The following CNBD2 variants were observed in gnomAD, a reference collection of about 807,000 sequenced individuals.
The protein encoded by CNBD2 is cyclic nucleotide-binding domain-containing protein 2.
A neutral mutation model predicts 63.7 loss-of-function variants in CNBD2; 64 were observed. That is an observed-to-expected ratio of 1.00 (90% CI 0.82 to 1.24). The LOEUF (loss-of-function observed/expected upper bound fraction) is 1.24. Among genes scored for constraint, CNBD2 ranks in the 50% most tolerant of loss-of-function variants. CNBD2 has a pLI of 0.00. For synonymous variants in CNBD2, 229 were observed against 255.4 expected (o/e 0.90, Z 0.99); for missense variants, 691 against 713.5 (o/e 0.97, Z 0.36).
chr20:36,010,099 T>C (rs1281453819), intron 9 of CNBD2, among the ~76,000 whole-genome samples: 1 of 152,138 alleles, frequency 6.6e-6, no homozygotes, highest in African/African-American at 2.4e-5. Context: ...GCTTTTGTTT[T>C]TTCTGGAGAG....
chr20:35,995,084 C>T lies in CNBD2; in HGVS notation c.902C>T (p.Ser301Phe). 6.2e-7 allele frequency: 1 copy of T among 1,614,142 alleles called. No homozygotes were observed. The highest frequency in any genetic ancestry group is 8.5e-7 in the Non-Finnish European group (1 of 1,179,996). ...LRLLDLGASP[S>F]YRRWIWQHLE... ...CTGTTGGACCTTGGGGCCTCCCCTT[C>T]CTACCGTAGATGGATCTGGCAGCAC... Residue 301 changes from serine to phenylalanine, a missense_variant, in exon 8 of 12, where the codon TCC becomes TTC. Ser to Phe is a radical substitution (Grantham distance 155). Coordinates refer to ENST00000373973, the MANE Select transcript of CNBD2 (RefSeq NM_001365709.1).
intron 8 of CNBD2, among the ~76,000 whole-genome samples, chr20:35,996,600 C>A (rs562241680): frequency 6.6e-6 from 1 of 151,796 alleles, no homozygotes; most frequent in African/African-American, 2.4e-5. Flanking sequence ...CTCTGCCTCC[C>A]AGGTTCAGGC....
intron 8 of CNBD2, among the ~76,000 whole-genome samples, chr20:35,999,667 A>G (rs1019193318): frequency 7.9e-5 from 12 of 151,280 alleles, no homozygotes; most frequent in African/African-American, 2.9e-4. Context: ...TTTTGCTTTA[A>G]ACAAGTATCT....
At chr20:35,963,076 G>C (rs2056320250) in intron 2 of CNBD2, among the ~76,000 whole-genome samples, 1 of 152,114 alleles carries the variant, frequency 6.6e-6, no homozygotes, top group African/African-American at 2.4e-5. Context: ...GGGCGTGGTG[G>C]CTCACATCTC....
Position 36,009,640 on chromosome 20 carries a change from T to C in CNBD2, c.1148+1166T>C, listed in dbSNP as rs1057213836. On this transcript the variant is annotated intron_variant, in intron 9 of 11. Coordinates refer to ENST00000373973, the MANE Select transcript of CNBD2 (RefSeq NM_001365709.1). ...TGAGGTCAGGAGTTCGTGACCAGCC[T>C]GGCCAACATGGTGAAACCCCGTCTC... Among the ~76,000 whole-genome samples the C allele has an allele frequency of 4.6e-5, 7 of 152,056 alleles. 1 individual carries two copies. Among genetic ancestry groups the C allele is most frequent in the African/African-American group, 1.4e-4 (6 of 41,440 alleles).
intron 7 of CNBD2, among the ~76,000 whole-genome samples, chr20:35,993,965 C>T (rs1442885717): frequency 6.6e-6 from 1 of 150,808 alleles, no homozygotes; most frequent in Non-Finnish European, 1.5e-5. Flanking sequence ...ACCTCCGCCT[C>T]CTGGGTTCAA....
chr20:36,014,712 G>A (rs1052805320), intron 10 of CNBD2, among the ~76,000 whole-genome samples: 1 of 152,018 alleles, frequency 6.6e-6, no homozygotes, highest in Non-Finnish European at 1.5e-5. Flanking sequence ...GGTCACTGCA[G>A]CCTTGAACTC....
intron 3 of CNBD2, among the ~76,000 whole-genome samples, chr20:35,978,493 T>C (rs555302935): frequency 2.3e-3 from 345 of 152,178 alleles, no homozygotes; most frequent in Non-Finnish European, 3.9e-3. Context: ...TAAAGGCGCC[T>C]GCCACCACGC....
chr20:35,954,734 T>A, exon 1 of CNBD2: 1 of 831,838 alleles, frequency 1.2e-6, no homozygotes. Flanking sequence ...ACCTTATCCG[T>A]GCGCCGCTTC....
At chr20:35,990,139 G>A (rs2056725490) in intron 7 of CNBD2, among the ~76,000 whole-genome samples, 1 of 152,136 alleles carries the variant, frequency 6.6e-6, no homozygotes, top group Non-Finnish European at 1.5e-5. Context: ...CATGTTGGTA[G>A]CTTACAATTA....
chr20:35,994,584 A>G (rs998858170), intron 7 of CNBD2, among the ~76,000 whole-genome samples: 3 of 150,850 alleles, frequency 2.0e-5, no homozygotes, highest in Non-Finnish European at 4.4e-5. Context: ...TTAAAAAAAA[A>G]AAAAGAAAAA....
chr20:35,988,736 T>C (rs2056702942), intron 7 of CNBD2, among the ~76,000 whole-genome samples: 1 of 152,100 alleles, frequency 6.6e-6, no homozygotes, highest in African/African-American at 2.4e-5. Flanking sequence ...CTGCAACAAA[T>C]TGCATTCCAA....
At chr20:36,023,220 C>G (rs1869981817) in intron 10 of CNBD2, among the ~76,000 whole-genome samples, 1 of 152,118 alleles carries the variant, frequency 6.6e-6, no homozygotes, top group Admixed American at 6.5e-5. Context: ...CCTTCTTTTT[C>G]CCATCTAGAA....
chr20:36,008,061 A>G (rs2057007781), intron 8 of CNBD2, among the ~76,000 whole-genome samples: 1 of 152,088 alleles, frequency 6.6e-6, no homozygotes, highest in South Asian at 2.1e-4. Flanking sequence ...TTATCTCTTA[A>G]AGTGTGTTAA....
chr20:35,993,799 A>T (rs1028038710), intron 7 of CNBD2, among the ~76,000 whole-genome samples: 3 of 152,056 alleles, frequency 2.0e-5, no homozygotes, highest in Non-Finnish European at 2.9e-5. Flanking sequence ...AATTATAAGA[A>T]CAGTACAAAG....
At chr20:36,014,519 C>T (rs370567798) in intron 10 of CNBD2, among the ~76,000 whole-genome samples, 13 of 151,990 alleles carry the variant, frequency 8.6e-5, no homozygotes, top group Admixed American at 2.0e-4. Context: ...TTAGTAGAGA[C>T]GGGGTTTCAC....
chr20:36,005,827 T>A (rs1436667537), intron 8 of CNBD2, among the ~76,000 whole-genome samples: 1 of 151,478 alleles, frequency 6.6e-6, no homozygotes, highest in Non-Finnish European at 1.5e-5. Context: ...GGCGGGCGCC[T>A]GTAGTCCCAG....
At chr20:35,995,721 C>G (rs1378491943) in intron 8 of CNBD2, among the ~76,000 whole-genome samples, 5 of 152,134 alleles carry the variant, frequency 3.3e-5, no homozygotes, top group African/African-American at 1.2e-4. Flanking sequence ...AATAATGTTG[C>G]TATGAACATT....
At chr20:35,979,743 C>T (rs899322653) in intron 3 of CNBD2, among the ~76,000 whole-genome samples, 4 of 152,088 alleles carry the variant, frequency 2.6e-5, no homozygotes, top group South Asian at 2.1e-4. Flanking sequence ...GCCATGTCCA[C>T]GAGAAAACCC....
Sources: allele counts gnomAD v4.1 joint callset (sites outside exome capture counted in the v4.1 genomes callset), GRCh38; gene constraint gnomAD v4.1.1; transcripts MANE v1.5; gene names NCBI Gene and HGNC (gene_info 2026-07-23, HGNC 2026-07-21).